COL24A1: variants seen among roughly 807,000 people sequenced by gnomAD.
The protein encoded by COL24A1 is collagen alpha-1(XXIV) chain.
COL24A1 carries 224 observed loss-of-function variants against 253.9 expected under a neutral mutation model. That is an observed-to-expected ratio of 0.88 (90% CI 0.79 to 0.99). The LOEUF (loss-of-function observed/expected upper bound fraction) is 0.99, where lower values mean the gene tolerates loss of function less well. Ranked by LOEUF, COL24A1 falls within the 50% of genes least tolerant of loss-of-function variation. The pLI is 0.00. For synonymous variants in COL24A1, 685 were observed against 673.7 expected, an observed-to-expected ratio of 1.02 and a Z score of -0.26; for missense variants, 2,131 against 2,068.5, an observed-to-expected ratio of 1.03 and a Z score of -0.59.
intron 12 of COL24A1, among the ~76,000 whole-genome samples, chr1:86,043,452 T>G (rs1048470442): frequency 6.6e-6 from 1 of 151,986 alleles, no homozygotes; most frequent in Admixed American, 6.5e-5. Flanking sequence ...CTACTAATGA[T>G]AGTAAATGAA....
chr1:85,813,046 A>G (rs1249240418), intron 47 of COL24A1, among the ~76,000 whole-genome samples: 1 of 152,192 alleles, frequency 6.6e-6, no homozygotes, highest in Non-Finnish European at 1.5e-5. Context: ...GTTAAAATGT[A>G]GTTGATACAC....
chr1:86,035,386 G>A (rs959631612), intron 12 of COL24A1, among the ~76,000 whole-genome samples: 1 of 152,102 alleles, frequency 6.6e-6, no homozygotes, highest in African/African-American at 2.4e-5. Flanking sequence ...ATATACTACA[G>A]TAAGTCTGAA....
At chr1:85,959,759 C>T (rs1690832947) in intron 24 of COL24A1, among the ~76,000 whole-genome samples, 1 of 152,058 alleles carries the variant, frequency 6.6e-6, no homozygotes, top group Admixed American at 6.6e-5. Context: ...GGTTCTTATA[C>T]TATGTGGAAT....
chr1:86,012,375 G>A (rs769550863), intron 19 of COL24A1, among the ~76,000 whole-genome samples: 1 of 152,094 alleles, frequency 6.6e-6, no homozygotes, highest in African/African-American at 2.4e-5. Flanking sequence ...AGATCACGAG[G>A]TCAGGAGATC....
At chr1:85,827,889 T>C (rs976285712) in intron 43 of COL24A1, among the ~76,000 whole-genome samples, 1 of 152,102 alleles carries the variant, frequency 6.6e-6, no homozygotes, top group Non-Finnish European at 1.5e-5. Context: ...GATTCATTCA[T>C]TTTTTGAAGG....
intron 28 of COL24A1, among the ~76,000 whole-genome samples, chr1:85,905,905 G>T (rs1684772531): frequency 6.6e-6 from 1 of 151,964 alleles, no homozygotes. Context: ...TCACAAATTG[G>T]TTGAACTTTC....
At chr1:86,031,307 G>C (rs1698549213) in intron 14 of COL24A1, among the ~76,000 whole-genome samples, 1 of 151,894 alleles carries the variant, frequency 6.6e-6, no homozygotes, top group Admixed American at 6.6e-5. Flanking sequence ...ACAGTAGAAA[G>C]AATAAGATCT....
chr1:85,950,797 T>A (rs541502956), intron 24 of COL24A1, among the ~76,000 whole-genome samples: 1 of 152,182 alleles, frequency 6.6e-6, no homozygotes, highest in Admixed American at 6.5e-5. Flanking sequence ...GGATACTTGA[T>A]GTGAAGTATA....
chr1:86,153,511 A>G (rs1340443936), intron 1 of COL24A1, among the ~76,000 whole-genome samples: 2 of 152,232 alleles, frequency 1.3e-5, no homozygotes, highest in Non-Finnish European at 2.9e-5. Context: ...AGAGTTACAA[A>G]TTCTAAAATA....
intron 24 of COL24A1, among the ~76,000 whole-genome samples, chr1:85,927,359 T>C (rs1357078497): frequency 6.6e-6 from 1 of 151,246 alleles, no homozygotes; most frequent in African/African-American, 2.4e-5. Context: ...CACCCGAATA[T>C]TGCGCTTTTC....
chr1:85,861,302 T>G (rs1334508469), intron 37 of COL24A1, among the ~76,000 whole-genome samples: 1 of 152,202 alleles, frequency 6.6e-6, no homozygotes, highest in African/African-American at 2.4e-5. Context: ...AGTCTGTCCA[T>G]TTTTCACTTA....
At chr1:86,049,405 A>G (rs79718851) in intron 11 of COL24A1, among the ~76,000 whole-genome samples, 17,097 of 152,220 alleles carry the variant, frequency 0.11, 1,047 homozygotes, top group Middle Eastern at 0.14. Context: ...AGAAATGAAA[A>G]TTTTGGCCTG....
intron 42 of COL24A1, among the ~76,000 whole-genome samples, chr1:85,840,347 T>C (rs1181504468): frequency 6.6e-6 from 1 of 152,160 alleles, no homozygotes; most frequent in Non-Finnish European, 1.5e-5. Flanking sequence ...TACATATTCC[T>C]TTAGATACCT....
chr1:86,081,063 A>G (rs1296045645), intron 7 of COL24A1, among the ~76,000 whole-genome samples: 1 of 152,160 alleles, frequency 6.6e-6, no homozygotes, highest in Non-Finnish European at 1.5e-5. Context: ...AAATTATAGT[A>G]GTATTAATTT....
chr1:86,134,360 C>T (rs1649859539), intron 2 of COL24A1, among the ~76,000 whole-genome samples: 1 of 151,986 alleles, frequency 6.6e-6, no homozygotes, highest in African/African-American at 2.4e-5. Flanking sequence ...CAGTTCTTCT[C>T]TGATCTTAGT....
chr1:86,006,174 T>C (rs977876554), intron 19 of COL24A1, among the ~76,000 whole-genome samples: 4 of 152,146 alleles, frequency 2.6e-5, no homozygotes, highest in African/African-American at 9.7e-5. Flanking sequence ...CTAAACTTTA[T>C]ACAGAGAGGC....
rs199773723 is a variant in COL24A1, at chr1:86,125,573, G to C, written c.763C>G (p.Pro255Ala). The change falls in exon 3 of 60, where the codon CCT becomes GCT. Residue 255 changes from proline (P) to alanine (A), a missense_variant. By Grantham distance (27) the Pro-to-Ala change is conservative (BLOSUM62 -1). Coordinates refer to ENST00000370571, the MANE Select transcript of COL24A1 (RefSeq NM_152890.7). ...TTTGTTGGTATGAGAGTTGTACAAG[G>C]AATGCTTGTTTCAGGTTGGTATTTG... The part of the protein sequence containing the change: ...ADKYQPETSI[P>A]CTTLIPTKIP... The C allele has an allele frequency of 6.2e-7, 1 of 1,613,452 alleles. No homozygotes were observed. The highest frequency in any genetic ancestry group is 1.3e-5 in the African/African-American group (1 of 74,846).
chr1:86,149,913 T>C (rs904275527), intron 1 of COL24A1, among the ~76,000 whole-genome samples: 1 of 152,220 alleles, frequency 6.6e-6, no homozygotes, highest in Non-Finnish European at 1.5e-5. Context: ...AAATAGATTC[T>C]CTTTCTCTTT....
chr1:86,000,794 T>C (rs663901), intron 19 of COL24A1, among the ~76,000 whole-genome samples: 30,693 of 152,098 alleles, frequency 0.2, 3,819 homozygotes, highest in African/African-American at 0.34. Flanking sequence ...AACAATTGGC[T>C]CCATATACCA....
Sources: gnomAD v4.1 joint callset for allele counts (sites outside exome capture counted in the v4.1 genomes callset) on GRCh38, gnomAD v4.1.1 for gene constraint, MANE v1.5 for transcripts, NCBI Gene and HGNC (gene_info 2026-07-23, HGNC 2026-07-21) for gene names.